NRK: variants seen among roughly 807,000 people sequenced by gnomAD.
NRK encodes Nik related kinase, also known as nik-related protein kinase.
Under a neutral mutation model 125.2 loss-of-function variants are expected in NRK, and 67 were observed. The observed-to-expected ratio is 0.54, with a 90% confidence interval of 0.44 to 0.66. The LOEUF (loss-of-function observed/expected upper bound fraction) is 0.66, where lower values mean the gene tolerates loss of function less well. NRK is among the 30% of genes least tolerant of loss of function. The pLI is 0.00. For missense variants in NRK, 1,224 were observed against 1,192.9 expected (o/e 1.03, Z -0.38); for synonymous variants, 458 against 429.0 (o/e 1.07, Z -0.84).
chrX:105,909,349 C>G lies in NRK; in HGVS notation c.1708C>G (p.Gln570Glu). 8.3e-7 allele frequency: 1 copy of G among 1,206,077 alleles called. No individual in the cohort carries two copies. Among genetic ancestry groups the G allele is most frequent in the African/African-American group, 1.7e-5 (1 of 57,825 alleles). The change falls in exon 13 of 29, where the codon CAG (glutamine) becomes GAG (glutamate). Residue 570 changes from glutamine (Q) to glutamate (E), a missense_variant. Gln to Glu is a conservative substitution (Grantham distance 29). Coordinates refer to ENST00000243300, the MANE Select transcript of NRK (RefSeq NM_198465.4). Reference sequence around the variant, plus strand: ...ACAGGAACAGGCTGCCGAGCCTGCACAGGCAGAGACTGAGGCAGAGGAACC... The same window carrying G: ...ACAGGAACAGGCTGCCGAGCCTGCAGAGGCAGAGACTGAGGCAGAGGAACC... Reference protein sequence around the residue: ...EVQEQAAEPAQAETEAEEPES... With the variant: ...EVQEQAAEPAEAETEAEEPES...
At chrX:105,873,440 TAAC>T (rs1569298039) in intron 2 of NRK, among the ~76,000 whole-genome samples, 2 of 111,374 alleles carry the variant, frequency 1.8e-5, no homozygotes, top group Admixed American at 1.9e-4. Flanking sequence ...TTCAGTGCCT[TAAC>T]AACCCTGGGC....
rs1254478971 is a variant in NRK, at chrX:105,862,081, CTAT to C, written c.124-18117_124-18115del. Among the ~76,000 whole-genome samples the C allele has an allele frequency of 4.5e-5, 5 of 110,815 alleles. No individual in the cohort carries two copies. The East Asian group carries it at 8.5e-4, about 19-fold the overall frequency. On this transcript the variant is annotated intron_variant, in intron 2 of 28. Transcript: ENST00000243300. ...CTTATCTATCTATCTATTGATCTAT[CTAT>C]CTATCTATCTATCTATCTATTTATC...
At chrX:105,823,672 G>A (rs781015254) in intron 1 of NRK, among the ~76,000 whole-genome samples, 5 of 110,861 alleles carry the variant, frequency 4.5e-5, no homozygotes, top group African/African-American at 1.6e-4. Context: ...AGCTATTATC[G>A]CCGTCGTAAT....
chrX:105,825,876 CAAAAA>C (rs1190567874), intron 1 of NRK, among the ~76,000 whole-genome samples: 1 of 108,150 alleles, frequency 9.2e-6, no homozygotes, highest in Non-Finnish European at 1.9e-5. Context: ...GGTGAAAAAA[CAAAAA>C]AGGAAGTGCA....
intron 1 of NRK, among the ~76,000 whole-genome samples, chrX:105,827,934 A>T (rs2039135945): frequency 9.0e-6 from 1 of 111,692 alleles, no homozygotes; most frequent in African/African-American, 3.3e-5. Context: ...GGGCAGAGGA[A>T]AGGACCAAAT....
chrX:105,888,766 C>G (rs757105930), intron 5 of NRK, among the ~76,000 whole-genome samples: 55 of 111,032 alleles, frequency 5.0e-4, no homozygotes, highest in Middle Eastern at 4.7e-3. Context: ...CAGGGAAATT[C>G]CCCATTATAA....
At chrX:105,840,538 C>A (rs2039317949) in intron 2 of NRK, among the ~76,000 whole-genome samples, 1 of 111,050 alleles carries the variant, frequency 9.0e-6, no homozygotes, top group East Asian at 2.8e-4. Flanking sequence ...CTTTGGTCAA[C>A]CAGATAAAAA....
chrX:105,916,086 A>G (rs1281639457), intron 15 of NRK, among the ~76,000 whole-genome samples: 1 of 111,170 alleles, frequency 9.0e-6, no homozygotes, highest in African/African-American at 3.2e-5. Flanking sequence ...ACAGTATTCA[A>G]TTAGTAGTCG....
intron 2 of NRK, among the ~76,000 whole-genome samples, chrX:105,855,435 A>G (rs927414940): frequency 1.8e-5 from 2 of 111,501 alleles, no homozygotes; most frequent in Non-Finnish European, 3.8e-5. Flanking sequence ...AAGGAGAGAC[A>G]TATTGAAATT....
chrX:105,873,412 G>A (rs981430740), intron 2 of NRK, among the ~76,000 whole-genome samples: 1 of 111,009 alleles, frequency 9.0e-6, no homozygotes, highest in Non-Finnish European at 1.9e-5. Flanking sequence ...GATCATTACT[G>A]CAATTCAATG....
chrX:105,839,017 A>G (rs979394854), intron 2 of NRK, among the ~76,000 whole-genome samples: 4 of 111,081 alleles, frequency 3.6e-5, no homozygotes, highest in Non-Finnish European at 7.6e-5. Context: ...TATTTTCTGG[A>G]TTTGAAGTTG....
At chrX:105,950,780 G>A (rs141673457) in intron 27 of NRK, among the ~76,000 whole-genome samples, 4 of 108,905 alleles carry the variant, frequency 3.7e-5, no homozygotes, top group African/African-American at 6.7e-5. Flanking sequence ...CTTTGCTTTA[G>A]GTTTAGAATT....
chrX:105,912,534 A>C, intron 13 of NRK, 114 bp from the exon 14 acceptor site: 2 of 221,144 alleles, frequency 9.0e-6, no homozygotes. Context: ...GTATTATTTT[A>C]AATTATATAT....
intron 2 of NRK, among the ~76,000 whole-genome samples, chrX:105,871,493 C>G (rs1266845924): frequency 9.0e-6 from 1 of 110,682 alleles, no homozygotes; most frequent in Admixed American, 9.6e-5. Flanking sequence ...CCAACACACA[C>G]ACACACACAC....
intron 16 of NRK, among the ~76,000 whole-genome samples, chrX:105,921,023 C>T (rs1274627694): frequency 6.6e-5 from 6 of 91,505 alleles, no homozygotes; most frequent in Admixed American, 6.3e-4. Context: ...TATAAAGACA[C>T]ATGCACACGT....
intron 2 of NRK, among the ~76,000 whole-genome samples, chrX:105,848,499 T>C (rs957078162): frequency 3.6e-5 from 4 of 112,235 alleles, no homozygotes; most frequent in African/African-American, 3.2e-5. Flanking sequence ...AGTGAAACTA[T>C]AATATTTTTC....
chrX:105,905,568 C>A (rs1449978417), intron 10 of NRK, among the ~76,000 whole-genome samples: 1 of 112,741 alleles, frequency 8.9e-6, no homozygotes, highest in Non-Finnish European at 1.9e-5. Flanking sequence ...GATGATATTA[C>A]TGTACTGCCA....
chrX:105,953,661 A>G (rs969516691), intron 28 of NRK, among the ~76,000 whole-genome samples: 14 of 111,949 alleles, frequency 1.3e-4, no homozygotes, highest in Non-Finnish European at 1.7e-4. Context: ...TGATCTTCAC[A>G]AGTGGGTGTT....
chrX:105,867,890 C>T (rs1009852232), intron 2 of NRK, among the ~76,000 whole-genome samples: 1 of 111,246 alleles, frequency 9.0e-6, no homozygotes, highest in Non-Finnish European at 1.9e-5. Context: ...GACTGCTGAC[C>T]TGGATTTGTG....
Sources: allele counts gnomAD v4.1 joint callset (sites outside exome capture counted in the v4.1 genomes callset), GRCh38; gene constraint gnomAD v4.1.1; transcripts MANE v1.5; gene names NCBI Gene and HGNC (gene_info 2026-07-23, HGNC 2026-07-21).